Variants in SNX18 observed in about 807,000 individuals in gnomAD.
SNX18 encodes the protein sorting nexin-18.
Under a neutral mutation model 48.7 loss-of-function variants are expected in SNX18, and 35 were observed. The observed-to-expected ratio is 0.72, with a 90% CI of 0.55 to 0.95. The LOEUF (loss-of-function observed/expected upper bound fraction) is 0.95. SNX18 is among the 40% of genes least tolerant of loss of function. SNX18 has a pLI of 0.00. For synonymous variants in SNX18, 492 were observed against 384.7 expected (o/e 1.28, Z -3.26); for missense variants, 824 against 871.0 (o/e 0.95, Z 0.68).
At chr5:54,539,261 C>CCT (rs201661998) in intron 1 of SNX18, among the ~76,000 whole-genome samples, 32,134 of 152,042 alleles carry the variant, frequency 0.21, 3,855 homozygotes, top group East Asian at 0.45. Context: ...ATCTCAGCCT[C>CCT]CTGCTGGGTT....
Position 54,518,424 on chromosome 5 carries a change from T to A in SNX18, c.472T>A (p.Trp158Arg). The A allele has an allele frequency of 6.3e-7, 1 of 1,582,554 alleles. No individual in the cohort carries two copies. The highest frequency in any genetic ancestry group is 8.6e-7 in the Non-Finnish European group (1 of 1,165,382). ...CAGCGATGATGACTGGGACGACGAG[T>A]GGGACGACAGCTCCACGGTGGCGGA... ...QGSDDDWDDE[W>R]DDSSTVADEP... Residue 158 changes from tryptophan to arginine, a missense_variant, in exon 1 of 2, where the codon TGG (tryptophan) becomes AGG (arginine). Around this residue, in one of 3 missense-constraint regions of SNX18, gnomAD observed 377 missense variants for 350.6 expected, o/e 1.08. Coordinates refer to ENST00000381410, the MANE Select transcript of SNX18 (RefSeq NM_001102575.2).
At chr5:54,541,538 A>G (rs1762470584) in intron 1 of SNX18, among the ~76,000 whole-genome samples, 2 of 152,140 alleles carry the variant, frequency 1.3e-5, no homozygotes, top group Non-Finnish European at 2.9e-5. Flanking sequence ...ATGGCTTCTT[A>G]GTAGAACTGG....
the SNX18 span, among the ~76,000 whole-genome samples, chr5:54,604,777 T>C: frequency 6.6e-6 from 1 of 152,228 alleles, no homozygotes; most frequent in Non-Finnish European, 1.5e-5. Context: ...AAATTTGTGA[T>C]GTATATTTTG....
intron 1 of SNX18, among the ~76,000 whole-genome samples, chr5:54,533,468 G>A (rs2112849876): frequency 6.6e-6 from 1 of 152,308 alleles, no homozygotes; most frequent in African/African-American, 2.4e-5. Context: ...GGGTACTGGT[G>A]TAGTGTGCTG....
the SNX18 span, among the ~76,000 whole-genome samples, chr5:54,562,641 AC>A: frequency 6.6e-6 from 1 of 152,256 alleles, no homozygotes; most frequent in East Asian, 1.9e-4. Context: ...AAGGGATAAC[AC>A]AACTACGTAC....
the SNX18 span, among the ~76,000 whole-genome samples, chr5:54,625,612 T>C: frequency 6.6e-6 from 1 of 152,154 alleles, no homozygotes; most frequent in African/African-American, 2.4e-5. Context: ...CCATTGCTTT[T>C]GCTGTATTCT....
chr5:54,606,467 G>T, the SNX18 span, among the ~76,000 whole-genome samples: 2 of 152,016 alleles, frequency 1.3e-5, no homozygotes, highest in Non-Finnish European at 2.9e-5. Flanking sequence ...CTGACCTCTG[G>T]TTGGCCATTG....
chr5:54,564,170 G>C, the SNX18 span, among the ~76,000 whole-genome samples: 1 of 152,042 alleles, frequency 6.6e-6, no homozygotes, highest in Non-Finnish European at 1.5e-5. Context: ...GGAGACTGAG[G>C]CAGGAGAATA....
the SNX18 span, among the ~76,000 whole-genome samples, chr5:54,627,484 C>A: frequency 1.1e-4 from 16 of 152,226 alleles, no homozygotes; most frequent in East Asian, 1.9e-4. Flanking sequence ...GAATGCCTAG[C>A]TCATAGTGAG....
At chr5:54,630,009 A>G in the SNX18 span, among the ~76,000 whole-genome samples, 1 of 152,256 alleles carries the variant, frequency 6.6e-6, no homozygotes, top group Non-Finnish European at 1.5e-5. Context: ...ACTTTAAAGG[A>G]TTGCAGAGTC....
the SNX18 span, among the ~76,000 whole-genome samples, chr5:54,599,217 C>T: frequency 1.3e-5 from 2 of 152,000 alleles, no homozygotes; most frequent in African/African-American, 4.8e-5. Flanking sequence ...GGAATCCATC[C>T]TTTTCAATTC....
At chr5:54,639,938 A>G in the SNX18 span, among the ~76,000 whole-genome samples, 6 of 152,182 alleles carry the variant, frequency 3.9e-5, no homozygotes, top group Non-Finnish European at 8.8e-5. Flanking sequence ...GGACTAAAAG[A>G]ATCATCAGTT....
the SNX18 span, among the ~76,000 whole-genome samples, chr5:54,581,435 G>T: frequency 2.6e-5 from 4 of 151,892 alleles, no homozygotes; most frequent in Admixed American, 6.6e-5. Context: ...AGAAATGAGG[G>T]TTTTTAAAAT....
chr5:54,524,577 T>G (rs1580095813), intron 1 of SNX18, among the ~76,000 whole-genome samples: 1 of 152,236 alleles, frequency 6.6e-6, no homozygotes. Context: ...AATAAAAAAC[T>G]ATTATTGTAT....
At chr5:54,634,442 C>T in the SNX18 span, among the ~76,000 whole-genome samples, 33 of 152,246 alleles carry the variant, frequency 2.2e-4, no homozygotes, top group African/African-American at 7.5e-4. Flanking sequence ...CTGTGGCCCA[C>T]GGGCTGCTGC....
the SNX18 span, among the ~76,000 whole-genome samples, chr5:54,630,786 A>T: frequency 6.7e-6 from 1 of 148,828 alleles, no homozygotes; most frequent in Admixed American, 6.8e-5. Context: ...GTGAGCCAAG[A>T]TCGCCACTGC....
At chr5:54,606,207 C>T in the SNX18 span, among the ~76,000 whole-genome samples, 1 of 152,220 alleles carries the variant, frequency 6.6e-6, no homozygotes, top group African/African-American at 2.4e-5. Flanking sequence ...CATCTACTCT[C>T]ATCTATTGTT....
chr5:54,527,364 G>C (rs2565005), intron 1 of SNX18, among the ~76,000 whole-genome samples: 7 of 151,420 alleles, frequency 4.6e-5, no homozygotes, highest in East Asian at 1.9e-4. Context: ...GAGCCGGGGG[G>C]GGGGGTCCCC....
chr5:54,617,226 A>C, the SNX18 span, among the ~76,000 whole-genome samples: 1 of 152,246 alleles, frequency 6.6e-6, no homozygotes, highest in South Asian at 2.1e-4. Flanking sequence ...GCATTTTGAC[A>C]GATGAATTCC....
Sources: allele counts gnomAD v4.1 joint callset (sites outside exome capture counted in the v4.1 genomes callset), GRCh38; gene constraint gnomAD v4.1.1; regional missense constraint gnomAD v4.1.1; transcripts MANE v1.5; gene names NCBI Gene and HGNC (gene_info 2026-07-23, HGNC 2026-07-21).